TTC28: variants seen among roughly 807,000 people sequenced by gnomAD.
TTC28 encodes the protein tetratricopeptide repeat domain 28, also known as tetratricopeptide repeat protein 28.
A neutral mutation model predicts 198.0 loss-of-function variants in TTC28; 61 were observed. The ratio of observed to expected loss-of-function variants is 0.31; its 90% CI spans 0.25 to 0.38. The LOEUF (loss-of-function observed/expected upper bound fraction) is 0.38, where lower values mean the gene tolerates loss of function less well. TTC28 is among the 10% of genes least tolerant of loss of function. The pLI is 1.00. For missense variants in TTC28, 2,678 were observed against 3,164.0 expected, an observed-to-expected ratio of 0.85 and a Z score of 3.69; for synonymous variants, 1,171 against 1,297.8, an observed-to-expected ratio of 0.90 and a Z score of 2.10.
intron 2 of TTC28, among the ~76,000 whole-genome samples, chr22:28,497,388 C>A (rs748062700): frequency 5.9e-5 from 9 of 152,178 alleles, no homozygotes; most frequent in Middle Eastern, 3.2e-3. Context: ...CATAGCTCAG[C>A]TATGCAAAGC....
At chr22:28,375,685 T>C (rs1357692465) in intron 2 of TTC28, among the ~76,000 whole-genome samples, 4 of 152,246 alleles carry the variant, frequency 2.6e-5, no homozygotes, top group African/African-American at 4.8e-5. Flanking sequence ...GCATTACTTC[T>C]GGCTGTGTCT....
intron 2 of TTC28, among the ~76,000 whole-genome samples, chr22:28,331,524 C>T (rs1304760211): frequency 1.3e-5 from 2 of 152,022 alleles, no homozygotes; most frequent in African/African-American, 2.4e-5. Context: ...TCAGGGTCAT[C>T]TTTTATCCAT....
At chr22:27,994,983 C>G (rs1414681907) in intron 17 of TTC28, among the ~76,000 whole-genome samples, 1 of 152,156 alleles carries the variant, frequency 6.6e-6, no homozygotes, top group Admixed American at 6.5e-5. Context: ...CAACTGGGGG[C>G]ACGCTGGGGG....
intron 12 of TTC28, among the ~76,000 whole-genome samples, chr22:28,080,348 G>A (rs1601595550): frequency 6.6e-6 from 1 of 152,058 alleles, no homozygotes; most frequent in African/African-American, 2.4e-5. Context: ...GGCCAACACT[G>A]GTTATTTTCC....
intron 5 of TTC28, among the ~76,000 whole-genome samples, chr22:28,247,363 T>A (rs1930176967): frequency 6.6e-6 from 1 of 152,228 alleles, no homozygotes; most frequent in Non-Finnish European, 1.5e-5. Flanking sequence ...GAGAATCATA[T>A]GCGACTGCCT....
At chr22:28,321,321 C>T (rs2045442747) in intron 2 of TTC28, among the ~76,000 whole-genome samples, 1 of 152,126 alleles carries the variant, frequency 6.6e-6, no homozygotes, top group Admixed American at 6.5e-5. Context: ...AATTGTTCTA[C>T]AATCAACGGT....
chr22:28,030,331 C>T lies in TTC28; in HGVS notation c.3968G>A (p.Gly1323Glu), dbSNP rs1420935241. 2 of 1,551,834 alleles carry T rather than the reference C, an allele frequency of 1.3e-6. No individual in the cohort carries two copies. Among genetic ancestry groups the T allele is most frequent in the South Asian group, 1.2e-5 (1 of 84,056 alleles). The change falls in exon 13 of 23, where the codon GGA becomes GAA. Residue 1323 changes from glycine to glutamate, a missense_variant. Physicochemically the swap from Gly to Glu is moderately conservative, Grantham distance 98 (BLOSUM62 -2). This residue lies in a region of TTC28 where 727 missense variants were observed against 861.9 expected (regional missense o/e 0.84). Transcript: ENST00000397906. ...CASSETESEA[G>E]DIMDQQFEEM... ...TTCAAATTGCTGGTCCATGATGTCT[C>T]CCGCTTCACTCTCTGTCTCACTGCT...
At chr22:28,410,265 TC>T (rs1365546951) in intron 2 of TTC28, among the ~76,000 whole-genome samples, 3 of 152,164 alleles carry the variant, frequency 2.0e-5, no homozygotes, top group African/African-American at 7.2e-5. Flanking sequence ...TAATTCCTCT[TC>T]CATATGATAA....
At chr22:28,372,201 A>G (rs1227189405) in intron 2 of TTC28, among the ~76,000 whole-genome samples, 1 of 152,196 alleles carries the variant, frequency 6.6e-6, no homozygotes, top group African/African-American at 2.4e-5. Flanking sequence ...CAGTTGGAAA[A>G]CTTCTGAACA....
intron 2 of TTC28, among the ~76,000 whole-genome samples, chr22:28,411,815 C>T (rs1392703231): frequency 6.6e-6 from 1 of 152,116 alleles, no homozygotes; most frequent in African/African-American, 2.4e-5. Flanking sequence ...TGAGAAACAA[C>T]CAAAACCAAA....
chr22:28,063,638 G>A (rs939046063), intron 12 of TTC28, among the ~76,000 whole-genome samples: 6 of 152,080 alleles, frequency 3.9e-5, no homozygotes, highest in African/African-American at 1.4e-4. Context: ...ATGCATTGCT[G>A]CATAATATGC....
chr22:28,030,866 C>T (rs539724392), intron 12 of TTC28, among the ~76,000 whole-genome samples: 17 of 152,290 alleles, frequency 1.1e-4, no homozygotes, highest in African/African-American at 3.4e-4. Context: ...CAGCCTAAAA[C>T]GGCATTTTCC....
At chr22:28,525,485 T>C (rs2146441942) in intron 2 of TTC28, among the ~76,000 whole-genome samples, 1 of 152,190 alleles carries the variant, frequency 6.6e-6, no homozygotes, top group East Asian at 1.9e-4. Flanking sequence ...AGTTATTCCC[T>C]AGTACAAATC....
chr22:28,599,362 C>G (rs1034593350), intron 2 of TTC28, among the ~76,000 whole-genome samples: 11 of 152,194 alleles, frequency 7.2e-5, no homozygotes, highest in African/African-American at 2.4e-4. Context: ...TTTTTAATCC[C>G]TCCCCCATCT....
chr22:28,074,960 T>C (rs1941120513), intron 12 of TTC28, among the ~76,000 whole-genome samples: 1 of 152,022 alleles, frequency 6.6e-6, no homozygotes, highest in South Asian at 2.1e-4. Flanking sequence ...ATTAGCCGAG[T>C]GTGGTGGTGC....
At chr22:28,128,629 C>T (rs1329064192) in intron 6 of TTC28, among the ~76,000 whole-genome samples, 1 of 152,022 alleles carries the variant, frequency 6.6e-6, no homozygotes, top group African/African-American at 2.4e-5. Context: ...CCACTGCCTC[C>T]CAGGCTCAAG....
At chr22:28,042,548 A>C (rs977818151) in intron 12 of TTC28, among the ~76,000 whole-genome samples, 3 of 151,986 alleles carry the variant, frequency 2.0e-5, no homozygotes, top group African/African-American at 7.2e-5. Flanking sequence ...ACATGGACAC[A>C]GGGCAGGGAA....
At chr22:28,255,027 A>C (rs1251510205) in intron 5 of TTC28, among the ~76,000 whole-genome samples, 1 of 152,226 alleles carries the variant, frequency 6.6e-6, no homozygotes, top group Non-Finnish European at 1.5e-5. Flanking sequence ...CAAATTATAC[A>C]GGATCTCAAA....
chr22:28,054,976 CAGT>C (rs1226378038), intron 12 of TTC28, among the ~76,000 whole-genome samples: 2 of 152,150 alleles, frequency 1.3e-5, no homozygotes, highest in Non-Finnish European at 2.9e-5. Flanking sequence ...TCTTTGAGTC[CAGT>C]GTGTTTCTGG....
Sources: allele counts gnomAD v4.1 joint callset (sites outside exome capture counted in the v4.1 genomes callset), GRCh38; gene constraint gnomAD v4.1.1; regional missense constraint gnomAD v4.1.1; transcripts MANE v1.5; gene names NCBI Gene and HGNC (gene_info 2026-07-23, HGNC 2026-07-21).